Variants in IGSF5 observed in about 807,000 individuals in gnomAD.
The protein encoded by IGSF5 is immunoglobulin superfamily member 5, also known as immunoglobulin superfamily 5 like.
Under a neutral mutation model 39.4 loss-of-function variants are expected in IGSF5, and 41 were observed. The ratio of observed to expected loss-of-function variants is 1.04; its 90% CI spans 0.81 to 1.35. The LOEUF is 1.35. Among genes scored for constraint, IGSF5 ranks in the 40% most tolerant of loss-of-function variants. The pLI is 0.00. For synonymous variants in IGSF5, 183 were observed against 175.3 expected, an observed-to-expected ratio of 1.04 and a Z score of -0.34; for missense variants, 487 against 494.6, an observed-to-expected ratio of 0.98 and a Z score of 0.15.
At chr21:39,718,109 A>G in the IGSF5 span, among the ~76,000 whole-genome samples, 1 of 151,878 alleles carries the variant, frequency 6.6e-6, no homozygotes, top group Non-Finnish European at 1.5e-5. Context: ...GTGTGTCACA[A>G]TTGAGAGTGG....
chr21:39,755,738 C>G (rs1046219036), intron 2 of IGSF5, among the ~76,000 whole-genome samples: 3 of 152,098 alleles, frequency 2.0e-5, no homozygotes, highest in Middle Eastern at 3.2e-3. Context: ...TTTGCTGAGT[C>G]TATTGTAGAT....
At chr21:39,782,755 CTT>C (rs960978649) in intron 5 of IGSF5, among the ~76,000 whole-genome samples, 4 of 152,172 alleles carry the variant, frequency 2.6e-5, no homozygotes, top group African/African-American at 9.7e-5. Context: ...CTCTTCCAGA[CTT>C]TTGAAAACAC....
intron 2 of IGSF5, among the ~76,000 whole-genome samples, chr21:39,746,851 T>A (rs1202788193): frequency 6.6e-6 from 1 of 152,226 alleles, no homozygotes; most frequent in Non-Finnish European, 1.5e-5. Flanking sequence ...AACATGCCTC[T>A]ATTCGCCCTT....
At chr21:39,754,950 C>G (rs2080022432) in intron 2 of IGSF5, among the ~76,000 whole-genome samples, 1 of 152,134 alleles carries the variant, frequency 6.6e-6, no homozygotes, top group Non-Finnish European at 1.5e-5. Context: ...TGTTTTTGCA[C>G]TGCCTGCCCT....
At chr21:39,743,304 C>T (rs2079955855), upstream of IGSF5, among the ~76,000 whole-genome samples, 1 of 150,186 alleles carries the variant, frequency 6.7e-6, no homozygotes, top group African/African-American at 2.5e-5. Flanking sequence ...AATGGTGGCA[C>T]TTTTTCATTT....
intron 2 of IGSF5, among the ~76,000 whole-genome samples, chr21:39,755,082 CTGCTTGTCGGGGACTAGAAGTCTT>C (rs1467321143): frequency 6.6e-6 from 1 of 152,168 alleles, no homozygotes; most frequent in African/African-American, 2.4e-5. Context: ...CTGACTCTAC[CTGCTTGTCGGGGACTAGAAGTCTT>C]TCCTAACAGA....
At chr21:39,721,025 A>G in the IGSF5 span, among the ~76,000 whole-genome samples, 1 of 152,254 alleles carries the variant, frequency 6.6e-6, no homozygotes, top group Admixed American at 6.5e-5. Context: ...CTTAACCTGT[A>G]GAACGAGACA....
At chr21:39,718,020 C>T in the IGSF5 span, among the ~76,000 whole-genome samples, 1 of 151,956 alleles carries the variant, frequency 6.6e-6, no homozygotes, top group African/African-American at 2.4e-5. Context: ...TTTCTTTGAG[C>T]AGTAATTCTT....
intron 8 of IGSF5, among the ~76,000 whole-genome samples, chr21:39,800,278 C>G (rs919158512): frequency 6.6e-6 from 1 of 152,178 alleles, no homozygotes; most frequent in Non-Finnish European, 1.5e-5. Flanking sequence ...AGGAAATTCT[C>G]TGTCTCTGTC....
At chr21:39,786,464 G>A (rs1403118400) in intron 5 of IGSF5, among the ~76,000 whole-genome samples, 1 of 146,412 alleles carries the variant, frequency 6.8e-6, no homozygotes, top group African/African-American at 2.6e-5. Flanking sequence ...AACAACAGGT[G>A]CTGGAGAGGA....
At chr21:39,737,960 T>C in the IGSF5 span, among the ~76,000 whole-genome samples, 2 of 152,132 alleles carry the variant, frequency 1.3e-5, no homozygotes, top group Non-Finnish European at 2.9e-5. Context: ...GAGAGAGAGA[T>C]TCTGTTTACT....
the IGSF5 span, among the ~76,000 whole-genome samples, chr21:39,719,425 G>T: frequency 9.9e-5 from 15 of 152,150 alleles, no homozygotes; most frequent in Admixed American, 9.8e-4. Flanking sequence ...GTGAATGGGT[G>T]TAGGGGGTGC....
the IGSF5 span, among the ~76,000 whole-genome samples, chr21:39,719,002 A>G: frequency 6.6e-6 from 1 of 152,000 alleles, no homozygotes; most frequent in African/African-American, 2.4e-5. Context: ...TTAGCAGGCT[A>G]TTTATTACTG....
chr21:39,762,274 G>T (rs62237177), intron 2 of IGSF5, among the ~76,000 whole-genome samples: 44 of 152,326 alleles, frequency 2.9e-4, no homozygotes, highest in Admixed American at 1.6e-3. Flanking sequence ...AGGAGATCCT[G>T]AGGACAGTGC....
chr21:39,771,997 C>T (rs575816786), intron 4 of IGSF5, among the ~76,000 whole-genome samples: 10 of 152,278 alleles, frequency 6.6e-5, no homozygotes, highest in South Asian at 2.1e-4. Context: ...CTTTTCTTTT[C>T]GTGTCTAAAG....
intron 2 of IGSF5, among the ~76,000 whole-genome samples, chr21:39,748,006 G>A (rs1470510566): frequency 6.6e-6 from 1 of 150,810 alleles, no homozygotes; most frequent in Non-Finnish European, 1.5e-5. Flanking sequence ...AGGATTAAAT[G>A]TTCATAATTT....
intron 6 of IGSF5, among the ~76,000 whole-genome samples, chr21:39,790,511 A>G (rs1415960920): frequency 1.3e-5 from 2 of 152,164 alleles, no homozygotes; most frequent in Non-Finnish European, 2.9e-5. Context: ...GTACAAAATT[A>G]GCTGGGCATG....
chr21:39,735,850 T>C, the IGSF5 span, among the ~76,000 whole-genome samples: 329 of 152,338 alleles, frequency 2.2e-3, no homozygotes, highest in African/African-American at 7.6e-3. Flanking sequence ...TGCTCTCATC[T>C]TCCTACAGCT....
chr21:39,791,204 T>G (rs1386848204), intron 6 of IGSF5, among the ~76,000 whole-genome samples: 2 of 152,242 alleles, frequency 1.3e-5, no homozygotes, highest in Admixed American at 6.5e-5. Context: ...AGCTCTCATA[T>G]GTAATAATTT....
Sources: gnomAD v4.1 joint callset for allele counts (sites outside exome capture counted in the v4.1 genomes callset) on GRCh38, gnomAD v4.1.1 for gene constraint, MANE v1.5 for transcripts, NCBI Gene and HGNC (gene_info 2026-07-23, HGNC 2026-07-21) for gene names.